ADGRL2: variants seen among roughly 807,000 people sequenced by gnomAD.
ADGRL2 encodes the protein adhesion G protein-coupled receptor L2.
In ADGRL2, 44 loss-of-function variants were observed where a neutral mutation model predicts 157.4. That is an observed-to-expected ratio of 0.28 (90% CI 0.22 to 0.36). ADGRL2 has a LOEUF of 0.36. ADGRL2 is among the 10% of genes least tolerant of loss of function. The pLI is 1.00. For missense variants in ADGRL2, 1,510 were observed against 1,768.9 expected (o/e 0.85, Z 2.63); for synonymous variants, 585 against 624.7 (o/e 0.94, Z 0.95).
Position 81,979,795 on chromosome 1 carries a change from C to T in ADGRL2, c.3022-74C>T, listed in dbSNP as rs527744544. 21 of 834,990 alleles carry T rather than the reference C, an allele frequency of 2.5e-5. No individual in the cohort carries two copies. In the East Asian group the frequency reaches 2.7e-4, roughly 11 times the overall value. 51.7% of individuals were successfully genotyped at this position (834,990 alleles called of 1,614,324 possible). On this transcript the variant is annotated intron_variant, in intron 17 of 23. Coordinates refer to ENST00000686636, the MANE Select transcript of ADGRL2 (RefSeq NM_001366006.2). ...CAGTATCTTCCATATAAACATGGAT[C>T]GATACATTTGCAAGAACTATTCATT...
chr1:81,892,455 T>C (rs1557858372), intron 2 of ADGRL2, among the ~76,000 whole-genome samples: 1 of 152,128 alleles, frequency 6.6e-6, no homozygotes, highest in Non-Finnish European at 1.5e-5. Context: ...GAGAATTATA[T>C]TCTAAGATTG....
chr1:81,747,182 T>G (rs1284879050), intron 1 of ADGRL2, among the ~76,000 whole-genome samples: 1 of 145,578 alleles, frequency 6.9e-6, no homozygotes, highest in African/African-American at 2.5e-5. Flanking sequence ...TATACATATA[T>G]GTATGTGTGT....
rs188903105 is a variant in ADGRL2, at chr1:81,941,624, A to G, written c.398-410A>G. Among the ~76,000 whole-genome samples the G allele has an allele frequency of 5.9e-5, 9 of 151,960 alleles. No individual in the cohort carries two copies. The East Asian group carries it at 1.2e-3, about 20-fold the overall frequency. ...TTGAGTTCACATAAGATAAATGGGGATGATATACCTATGCATGCATTTATG... is the reference window on the plus strand; with the variant it reads ...TTGAGTTCACATAAGATAAATGGGGGTGATATACCTATGCATGCATTTATG... On this transcript the variant is annotated intron_variant, in intron 4 of 23. Transcript: ENST00000686636.
At chr1:81,513,699 T>C (rs2079120591) in intron 2 of ADGRL2, among the ~76,000 whole-genome samples, 1 of 152,174 alleles carries the variant, frequency 6.6e-6, no homozygotes, top group African/African-American at 2.4e-5. Flanking sequence ...TTTAGGTTTT[T>C]AGGAAGGCAA....
At position 81,951,103 on chromosome 1, in the gene ADGRL2, G is replaced by C; in HGVS notation, c.1590G>C (p.Val530=). The change falls in exon 8 of 24, where the codon GTG becomes GTC. Residue 530 remains valine (V), a synonymous_variant. Coordinates refer to ENST00000686636, the MANE Select transcript of ADGRL2 (RefSeq NM_001366006.2). ...TTAGCAACTGTACCTCACACTGGGT[G>C]AATCAGCTGGCTCAGAAGGTTGGTT... is the stretch of plus-strand genomic sequence containing the variant. The part of the protein sequence containing the change: ...PDLSNCTSHW[V]NQLAQKIRSG... The C allele has an allele frequency of 1.2e-6, 2 of 1,612,626 alleles. No individual in the cohort carries two copies. Among genetic ancestry groups the C allele is most frequent in the Non-Finnish European group, 1.7e-6 (2 of 1,178,782 alleles).
intron 1 of ADGRL2, among the ~76,000 whole-genome samples, chr1:81,444,589 A>G (rs2077567755): frequency 6.6e-6 from 1 of 152,192 alleles, no homozygotes; most frequent in South Asian, 2.1e-4. Flanking sequence ...AACCAGAAAG[A>G]AACAGGGTTC....
At position 81,966,435 on chromosome 1, in the gene ADGRL2, G is replaced by T. The variant is rs1002606785; in HGVS notation, c.2175G>T (p.Arg725=). 1 of 1,613,838 alleles carries T rather than the reference G, an allele frequency of 6.2e-7. No individual in the cohort carries two copies. ...GLAKLVFIIY[R]SLGQFLSTEN... ...CAAAGTTGGTGTTCATCATTTACCG[G>T]AGCCTGGGACAGTTCCTTAGTACAG... The change falls in exon 13 of 24, where the codon CGG becomes CGT. Residue 725 remains arginine, a synonymous_variant. Coordinates refer to ENST00000686636, the MANE Select transcript of ADGRL2 (RefSeq NM_001366006.2).
In ADGRL2 at chr1:81,631,597, A is replaced by G. The variant is rs144651276; in HGVS notation, c.-143+50617A>G. On this transcript the variant is annotated intron_variant, in intron 3 of 24. Coordinates refer to the ADGRL2 transcript ENST00000370721. ...TACGCACCGATATCTAGGTCCCATC[A>G]CCAGATACTCTGACTTTTCTGGTAT... Among the ~76,000 whole-genome samples the G allele has an allele frequency of 3.4e-3, 519 of 152,310 alleles. 5 individuals are homozygous for G. The highest frequency in any genetic ancestry group is 0.01 in the African/African-American group (434 of 41,568).
intron 2 of ADGRL2, among the ~76,000 whole-genome samples, chr1:81,478,577 G>C (rs4399203): frequency 0.97 from 147,475 of 152,332 alleles, 71,531 homozygotes; most frequent in East Asian, 1. Context: ...GTTTCAAGTC[G>C]CTGGTGTTTA....
chr1:81,950,087 G>C (rs1177936618), intron 6 of ADGRL2, 102 bp from the exon 7 acceptor site: 4 of 895,882 alleles, frequency 4.5e-6, no homozygotes, highest in Non-Finnish European at 7.0e-6. Flanking sequence ...CAGATGGGTA[G>C]GGTTTTGTGT....
intron 1 of ADGRL2, among the ~76,000 whole-genome samples, chr1:81,337,904 T>C (rs763483521): frequency 1.3e-5 from 2 of 152,120 alleles, no homozygotes; most frequent in East Asian, 1.9e-4. Context: ...AAAATAGGGG[T>C]ACAAATAGGG....
chr1:81,551,961 A>G (rs1404776885), intron 2 of ADGRL2, among the ~76,000 whole-genome samples: 2 of 152,192 alleles, frequency 1.3e-5, no homozygotes, highest in Non-Finnish European at 2.9e-5. Context: ...GGAGGTAAGG[A>G]ATCACTTTCC....
chr1:81,725,035 C>A (rs1301661741), intron 1 of ADGRL2, among the ~76,000 whole-genome samples: 1 of 150,268 alleles, frequency 6.7e-6, no homozygotes, highest in Admixed American at 6.7e-5. Context: ...GAAACCCTGT[C>A]TCTACTAAAA....
intron 3 of ADGRL2, among the ~76,000 whole-genome samples, chr1:81,653,652 T>G (rs976514688): frequency 1.1e-4 from 17 of 152,226 alleles, no homozygotes; most frequent in African/African-American, 4.1e-4. Context: ...TCTATTTCTA[T>G]TCATTCTTTT....
At position 81,990,849 on chromosome 1, in the gene ADGRL2, C is replaced by T. The variant is rs1664472243; in HGVS notation, c.4114C>T (p.His1372Tyr). The T allele has an allele frequency of 6.2e-7, 1 of 1,613,972 alleles. No individual in the cohort carries two copies. Among genetic ancestry groups the T allele is most frequent in the African/African-American group, 1.3e-5 (1 of 74,906 alleles). ...CCAACTGACAGCAGAGGCTGAAGAT[C>T]ACCTACAGTCCCCCAACAGAGACTC... ...VSQLTAEAED[H>Y]LQSPNRDSLY... The change falls in exon 24 of 24, where the codon CAC becomes TAC. Residue 1372 changes from histidine to tyrosine, a missense_variant. Around this residue, in one of 4 missense-constraint regions of ADGRL2, gnomAD observed 327 missense variants for 310.1 expected, o/e 1.05. Coordinates refer to ENST00000686636, the MANE Select transcript of ADGRL2 (RefSeq NM_001366006.2).
rs2094819436 is a variant in ADGRL2 at position 81,914,904 on chromosome 1, A to G, written c.287+7674A>G. Among the ~76,000 whole-genome samples, 4 of 152,328 alleles carry G rather than the reference A, an allele frequency of 2.6e-5. No homozygotes were observed. In the South Asian group the frequency reaches 8.3e-4, roughly 32 times the overall value. ...TGATGGACATTAAAGCAAAGCACTC[A>G]TAGGAAGGGGAGACTGTTGGCAGTA... On this transcript the variant is annotated intron_variant, in intron 3 of 23. Transcript: ENST00000686636.
In ADGRL2 at chr1:81,322,109, T is replaced by TATACACATATATATATATATATATATAC. The variant is rs71592379; in HGVS notation, c.-302+15601_-302+15602insTACACATATATATATATATATATATACA. On this transcript the variant is annotated intron_variant, in intron 1 of 24. Coordinates refer to the ADGRL2 transcript ENST00000370721. ...ATTCATATATATATATATATATATA[T>TATACACATATATATATATATATATATAC]ACACATATATATATACACACACACA... 6.0e-4 allele frequency among the ~76,000 whole-genome samples: 78 copies of TATACACATATATATATATATATATATAC among 129,834 alleles called. 2 individuals are homozygous for TATACACATATATATATATATATATATAC. The highest frequency in any genetic ancestry group is 2.0e-3 in the African/African-American group (71 of 34,988). The allele number at this position is 129,834 out of a possible 152,430, so 85.2% of individuals were successfully genotyped here. A position where few individuals can be genotyped will look rare whatever the true frequency, so the allele number is the denominator to read the frequency against.
At chr1:81,677,527 G>A (rs2083022130) in intron 3 of ADGRL2, among the ~76,000 whole-genome samples, 1 of 152,154 alleles carries the variant, frequency 6.6e-6, no homozygotes, top group African/African-American at 2.4e-5. Context: ...TTTTCCCTTA[G>A]AAGCATCACC....
intron 2 of ADGRL2, among the ~76,000 whole-genome samples, chr1:81,868,490 G>GCTAC (rs1172183313): frequency 2.0e-5 from 3 of 152,056 alleles, no homozygotes; most frequent in Admixed American, 1.3e-4. Flanking sequence ...TTGCCATGGA[G>GCTAC]CTACCCTTCG....
Sources: allele counts gnomAD v4.1 joint callset (sites outside exome capture counted in the v4.1 genomes callset), GRCh38; gene constraint gnomAD v4.1.1; regional missense constraint gnomAD v4.1.1; transcripts MANE v1.5; gene names NCBI Gene and HGNC (gene_info 2026-07-23, HGNC 2026-07-21).